SHISA9: variants seen among roughly 807,000 people sequenced by gnomAD.
SHISA9 encodes the protein protein shisa-9.
In SHISA9, 13 loss-of-function variants were observed where a neutral mutation model predicts 38.0. That is an observed-to-expected ratio of 0.34 (90% CI 0.22 to 0.54). The LOEUF is 0.54. Among genes scored for constraint, SHISA9 ranks in the 20% least tolerant of loss-of-function variants. SHISA9 has a pLI of 0.91. For synonymous variants in SHISA9, 275 were observed against 242.0 expected (o/e 1.14, Z -1.27); for missense variants, 538 against 575.8 (o/e 0.93, Z 0.67).
At chr16:13,127,568 G>A (rs532012920) in intron 2 of SHISA9, among the ~76,000 whole-genome samples, 3 of 152,050 alleles carry the variant, frequency 2.0e-5, no homozygotes, top group Admixed American at 1.3e-4. Flanking sequence ...AGGAGACAGA[G>A]AGAAGAGAAG....
At chr16:12,935,226 A>G (rs2071513549) in intron 2 of SHISA9, among the ~76,000 whole-genome samples, 1 of 152,210 alleles carries the variant, frequency 6.6e-6, no homozygotes, top group Non-Finnish European at 1.5e-5. Context: ...GATCATGAGT[A>G]TTCAAAAAGG....
intron 2 of SHISA9, among the ~76,000 whole-genome samples, chr16:13,187,886 A>G (rs570167818): frequency 3.4e-4 from 52 of 152,288 alleles, no homozygotes; most frequent in African/African-American, 1.2e-3. Flanking sequence ...TGCACAGTGA[A>G]CATTTCATGA....
chr16:13,109,314 C>T (rs939562212), intron 2 of SHISA9, among the ~76,000 whole-genome samples: 1 of 152,134 alleles, frequency 6.6e-6, no homozygotes, highest in Non-Finnish European at 1.5e-5. Context: ...GCAGGCATCA[C>T]CATGCCCAGC....
chr16:13,364,532 C>T, the SHISA9 span, among the ~76,000 whole-genome samples: 3 of 152,174 alleles, frequency 2.0e-5, no homozygotes, highest in African/African-American at 7.2e-5. Flanking sequence ...TTTTATTCAA[C>T]ACACAATATA....
chr16:12,977,739 G>A (rs1326703017), intron 2 of SHISA9, among the ~76,000 whole-genome samples: 1 of 151,942 alleles, frequency 6.6e-6, no homozygotes, highest in African/African-American at 2.4e-5. Flanking sequence ...ACACCGCATG[G>A]TCTCACTTAT....
the SHISA9 span, among the ~76,000 whole-genome samples, chr16:13,353,825 C>T: frequency 9.4e-4 from 143 of 152,060 alleles, no homozygotes; most frequent in African/African-American, 2.5e-3. Flanking sequence ...GACGGAGGAC[C>T]GTAAGGGATA....
At chr16:12,950,970 T>C (rs35262321) in intron 2 of SHISA9, among the ~76,000 whole-genome samples, 28,470 of 148,852 alleles carry the variant, frequency 0.19, 3,380 homozygotes, top group Middle Eastern at 0.35. Flanking sequence ...ACCTGTAATC[T>C]CAGCACTTTG....
intron 2 of SHISA9, among the ~76,000 whole-genome samples, chr16:13,199,216 G>A (rs1194480219): frequency 3.3e-5 from 5 of 152,158 alleles, no homozygotes; most frequent in Non-Finnish European, 7.3e-5. Context: ...AGGCTTTGAA[G>A]GTTCAAATCT....
chr16:13,481,469 A>G, the SHISA9 span, among the ~76,000 whole-genome samples: 39 of 152,338 alleles, frequency 2.6e-4, 1 homozygote, highest in South Asian at 5.0e-3. Context: ...TGATGGTGTC[A>G]GGCTGTCCTC....
chr16:13,094,680 T>C (rs2073808603), intron 2 of SHISA9, among the ~76,000 whole-genome samples: 1 of 152,204 alleles, frequency 6.6e-6, no homozygotes, highest in Non-Finnish European at 1.5e-5. Context: ...ATTGAAGGAC[T>C]CTTCTAGACC....
At chr16:13,156,000 G>T (rs566796168) in intron 2 of SHISA9, among the ~76,000 whole-genome samples, 2 of 152,168 alleles carry the variant, frequency 1.3e-5, no homozygotes, top group Non-Finnish European at 2.9e-5. Flanking sequence ...TGAGTGGGGT[G>T]GTGGGAATGT....
intron 2 of SHISA9, among the ~76,000 whole-genome samples, chr16:13,076,310 C>T (rs1012557611): frequency 5.3e-5 from 8 of 152,160 alleles, no homozygotes; most frequent in South Asian, 2.1e-4. Context: ...GGATTACAGG[C>T]GTGAGCCACT....
intron 1 of SHISA9, among the ~76,000 whole-genome samples, chr16:12,906,263 A>C (rs930137567): frequency 6.6e-6 from 1 of 152,226 alleles, no homozygotes; most frequent in Non-Finnish European, 1.5e-5. Flanking sequence ...GACTGAAAGC[A>C]TATTCTCTTG....
chr16:13,280,959 T>G, the SHISA9 span, among the ~76,000 whole-genome samples: 10 of 152,028 alleles, frequency 6.6e-5, 1 homozygote, highest in East Asian at 3.9e-4. Flanking sequence ...ATTAGGTTGA[T>G]GCAAAAGTAA....
chr16:13,061,868 A>G (rs2073379954), intron 2 of SHISA9, among the ~76,000 whole-genome samples: 1 of 152,186 alleles, frequency 6.6e-6, no homozygotes, highest in Non-Finnish European at 1.5e-5. Flanking sequence ...TAAAAAAGAT[A>G]TAGAGCCATT....
the SHISA9 span, among the ~76,000 whole-genome samples, chr16:13,308,482 G>T: frequency 0.11 from 16,248 of 152,152 alleles, 957 homozygotes; most frequent in South Asian, 0.22. Context: ...AATAGATGGA[G>T]ACAATGTTAG....
chr16:13,078,648 C>T (rs946364516), intron 2 of SHISA9, among the ~76,000 whole-genome samples: 11 of 152,154 alleles, frequency 7.2e-5, no homozygotes, highest in Admixed American at 2.0e-4. Context: ...TCATGTGACC[C>T]GCCCACCTTG....
At chr16:13,219,879 AC>A (rs2051205704) in intron 4 of SHISA9, among the ~76,000 whole-genome samples, 1 of 152,008 alleles carries the variant, frequency 6.6e-6, no homozygotes, top group African/African-American at 2.4e-5. Flanking sequence ...AATCACTTGA[AC>A]CCAGGAGGCG....
chr16:13,417,651 G>C, the SHISA9 span, among the ~76,000 whole-genome samples: 1 of 152,348 alleles, frequency 6.6e-6, no homozygotes, highest in South Asian at 2.1e-4. Flanking sequence ...TGTCATCGTA[G>C]TGGGAATCAC....
Sources: gnomAD v4.1 joint callset for allele counts (sites outside exome capture counted in the v4.1 genomes callset) on GRCh38, gnomAD v4.1.1 for gene constraint, MANE v1.5 for transcripts, NCBI Gene and HGNC (gene_info 2026-07-23, HGNC 2026-07-21) for gene names.